SCFD2: variants seen among roughly 807,000 people sequenced by gnomAD.
SCFD2 encodes sec1 family domain-containing protein 2.
SCFD2 carries 54 observed loss-of-function variants against 58.9 expected under a neutral mutation model. The ratio of observed to expected loss-of-function variants is 0.92; its 90% CI spans 0.74 to 1.15. The LOEUF is 1.15. Ranked by LOEUF, SCFD2 falls within the 50% of genes most tolerant of loss-of-function variation. SCFD2 has a pLI of 0.00. For missense variants in SCFD2, 805 were observed against 836.6 expected (o/e 0.96, Z 0.47); for synonymous variants, 321 against 335.9 (o/e 0.96, Z 0.49).
rs540690808 is a variant in SCFD2 at position 53,190,271 on chromosome 4, C to T, written c.1312-44689G>A. On this transcript the variant is annotated intron_variant, in intron 4 of 8. Coordinates refer to ENST00000401642, the MANE Select transcript of SCFD2 (RefSeq NM_152540.4). ...AAACTGTAGCATAGACAGATGTTGGCGTGTGTGTTTTGTGTATGTGTCCTT... is the reference window on the plus strand; with the variant it reads ...AAACTGTAGCATAGACAGATGTTGGTGTGTGTGTTTTGTGTATGTGTCCTT... 5.3e-5 allele frequency among the ~76,000 whole-genome samples: 8 copies of T among 152,228 alleles called. No individual in the cohort carries two copies. The East Asian group carries it at 1.2e-3, about 22-fold the overall frequency.
At chr4:53,272,596 C>A (rs1475636261) in intron 4 of SCFD2, among the ~76,000 whole-genome samples, 3 of 149,472 alleles carry the variant, frequency 2.0e-5, no homozygotes, top group African/African-American at 7.4e-5. Flanking sequence ...CAAACTATCG[C>A]AAGGACAAAA....
intron 3 of SCFD2, among the ~76,000 whole-genome samples, chr4:53,276,200 T>C (rs1461226324): frequency 6.6e-6 from 1 of 152,002 alleles, no homozygotes; most frequent in East Asian, 1.9e-4. Context: ...GTGCATCTTA[T>C]GTTAAGTTTA....
At chr4:53,241,222 G>A (rs1241304606) in intron 4 of SCFD2, among the ~76,000 whole-genome samples, 3 of 152,188 alleles carry the variant, frequency 2.0e-5, no homozygotes, top group East Asian at 1.9e-4. Context: ...AGAAAAGTAC[G>A]AGGGGCAGAA....
At chr4:53,219,376 C>T (rs768730522) in intron 4 of SCFD2, among the ~76,000 whole-genome samples, 4 of 152,164 alleles carry the variant, frequency 2.6e-5, no homozygotes, top group Non-Finnish European at 4.4e-5. Flanking sequence ...CCTTGCAGTT[C>T]GATCTCAACT....
At chr4:53,351,354 C>T (rs1734214613) in intron 2 of SCFD2, among the ~76,000 whole-genome samples, 1 of 152,130 alleles carries the variant, frequency 6.6e-6, no homozygotes, top group Non-Finnish European at 1.5e-5. Context: ...GTGCCACTTC[C>T]TCAAGGTCTA....
chr4:53,139,131 G>A lies in SCFD2; in HGVS notation c.1561+6202C>T, dbSNP rs562444208. On this transcript the variant is annotated intron_variant, in intron 5 of 8. Coordinates refer to ENST00000401642, the MANE Select transcript of SCFD2 (RefSeq NM_152540.4). Reference sequence around the variant, plus strand: ...AGTGATCTGCCAGCCTCGGCCTCCCGAGGTGCCGGGATTGCAGACGGAGTC... The same window carrying A: ...AGTGATCTGCCAGCCTCGGCCTCCCAAGGTGCCGGGATTGCAGACGGAGTC... 5.0e-3 allele frequency among the ~76,000 whole-genome samples: 754 copies of A among 152,232 alleles called. 7 individuals are homozygous for A. Among genetic ancestry groups the A allele is most frequent in the African/African-American group, 0.017 (700 of 41,550 alleles).
chr4:53,025,127 G>T (rs1722442118), intron 5 of SCFD2, among the ~76,000 whole-genome samples: 1 of 152,130 alleles, frequency 6.6e-6, no homozygotes, highest in Non-Finnish European at 1.5e-5. Context: ...AGAAGAAGGG[G>T]GTAAGAAATA....
At chr4:53,105,116 C>T (rs1410877702) in intron 5 of SCFD2, among the ~76,000 whole-genome samples, 2 of 152,042 alleles carry the variant, frequency 1.3e-5, no homozygotes, top group Non-Finnish European at 2.9e-5. Context: ...CCAAGGAAGC[C>T]ATGAGGGACT....
intron 5 of SCFD2, among the ~76,000 whole-genome samples, chr4:52,933,543 T>C (rs369723082): frequency 1.3e-5 from 2 of 151,946 alleles, no homozygotes; most frequent in South Asian, 2.1e-4. Context: ...TTTGAGAGAG[T>C]GGGGCTTGGG....
intron 6 of SCFD2, among the ~76,000 whole-genome samples, chr4:52,913,650 C>T (rs1423338393): frequency 6.6e-6 from 1 of 152,164 alleles, no homozygotes; most frequent in East Asian, 1.9e-4. Flanking sequence ...TGAAACCACA[C>T]CGCCCCACCC....
intron 4 of SCFD2, among the ~76,000 whole-genome samples, chr4:53,239,887 A>C (rs1445754785): frequency 6.6e-6 from 1 of 152,196 alleles, no homozygotes; most frequent in Non-Finnish European, 1.5e-5. Flanking sequence ...TTCCTAGCCT[A>C]AGATCTCATA....
intron 1 of SCFD2, among the ~76,000 whole-genome samples, chr4:53,363,788 T>A (rs542103592): frequency 6.9e-6 from 1 of 145,840 alleles, no homozygotes; most frequent in Admixed American, 7.1e-5. Flanking sequence ...GATTGCGCCA[T>A]TGCACTCCAG....
intron 7 of SCFD2, 90 bp downstream of exon 7, chr4:52,907,367 G>C: frequency 7.8e-7 from 1 of 1,274,086 alleles, no homozygotes; most frequent in East Asian, 2.3e-5. Flanking sequence ...TCTGTATGGT[G>C]CTGGCTAGGG....
At chr4:52,891,184 A>T (rs1481930981) in intron 7 of SCFD2, among the ~76,000 whole-genome samples, 2 of 152,098 alleles carry the variant, frequency 1.3e-5, no homozygotes, top group African/African-American at 4.8e-5. Context: ...CTCATGTTTC[A>T]TTCATTTATT....
chr4:53,260,533 T>C (rs1357370200), intron 4 of SCFD2, among the ~76,000 whole-genome samples: 1 of 152,314 alleles, frequency 6.6e-6, no homozygotes, highest in East Asian at 1.9e-4. Context: ...ATCACATTTA[T>C]TGACCTGTGA....
rs1450762699 is a variant in SCFD2, at chr4:53,204,579, T to C, written c.1312-58997A>G. On this transcript the variant is annotated intron_variant, in intron 4 of 8. Transcript: ENST00000401642. ...AAGAGGAAAAAGGTTAAAAAACTTT[T>C]TGAATCTTCTCAAAAATAGAACAGG... 7.3e-5 allele frequency among the ~76,000 whole-genome samples: 11 copies of C among 150,880 alleles called. No homozygotes were observed. The East Asian group carries it at 2.1e-3, about 29-fold the overall frequency.
At chr4:53,172,136 A>G (rs1163579517) in intron 4 of SCFD2, among the ~76,000 whole-genome samples, 1 of 151,816 alleles carries the variant, frequency 6.6e-6, no homozygotes, top group African/African-American at 2.4e-5. Context: ...CCTCCCATGT[A>G]GCTGGGACTA....
At chr4:53,186,659 C>G (rs1015884583) in intron 4 of SCFD2, among the ~76,000 whole-genome samples, 2 of 151,842 alleles carry the variant, frequency 1.3e-5, no homozygotes, top group Admixed American at 6.6e-5. Flanking sequence ...AAACATTAAA[C>G]CATAATTATA....
chr4:52,998,786 C>A (rs1577650009), intron 5 of SCFD2, among the ~76,000 whole-genome samples: 1 of 152,274 alleles, frequency 6.6e-6, no homozygotes, highest in East Asian at 1.9e-4. Context: ...AAAGGAAATA[C>A]TTTTGAGTAA....
Sources: allele counts gnomAD v4.1 joint callset (sites outside exome capture counted in the v4.1 genomes callset), GRCh38; gene constraint gnomAD v4.1.1; transcripts MANE v1.5; gene names NCBI Gene and HGNC (gene_info 2026-07-23, HGNC 2026-07-21).